The following ACSS2 variants were observed in gnomAD, a reference collection of about 807,000 sequenced individuals.
ACSS2 encodes the protein acyl-CoA synthetase short chain family member 2, also known as acetyl-coenzyme A synthetase, cytoplasmic.
In ACSS2, 58 loss-of-function variants were observed where a neutral mutation model predicts 90.6. That is an observed-to-expected ratio of 0.64 (90% CI 0.52 to 0.80). ACSS2 has a LOEUF of 0.80. Ranked by LOEUF, ACSS2 falls within the 30% of genes least tolerant of loss-of-function variation. The probability of loss-of-function intolerance (pLI) is 0.00; values close to 1 mark genes in which losing one functional copy is unlikely to be tolerated. For synonymous variants in ACSS2, 300 were observed against 330.9 expected (o/e 0.91, Z 1.01); for missense variants, 759 against 912.0 (o/e 0.83, Z 2.16).
intron 6 of ACSS2, 68 bp downstream of exon 6, chr20:34,914,239 T>TCTA: frequency 6.2e-7 from 1 of 1,607,328 alleles, no homozygotes; most frequent in Non-Finnish European, 8.5e-7. Flanking sequence ...CTTTGTCCCC[T>TCTA]CTACCCTAAA....
rs745504008 is a variant in ACSS2 at position 34,921,824 on chromosome 20, T to A, written c.1506T>A (p.Asn502Lys). ...TTGGTGTAGCTCCTGCAATCCTGAA[T>A]GAGTCCGGGGAAGAGTTGGAAGGTG... The part of the protein sequence containing the change: ...PFFGVAPAIL[N>K]ESGEELEGEA... The change falls in exon 13 of 18, where the codon AAT (asparagine) becomes AAA (lysine). Residue 502 changes from asparagine (N) to lysine (K), a missense_variant. Transcript: ENST00000360596. The A allele has an allele frequency of 1.9e-6, 3 of 1,614,144 alleles. No homozygotes were observed. In the East Asian group the frequency reaches 6.7e-5, roughly 36 times the overall value.
intron 2 of ACSS2, among the ~76,000 whole-genome samples, chr20:34,906,226 T>G (rs1344099157): frequency 6.6e-6 from 1 of 151,010 alleles, no homozygotes; most frequent in East Asian, 2.0e-4. Flanking sequence ...TCCCAGCTAC[T>G]CGGGAGGCTG....
At chr20:34,877,399 G>A (rs534215037) in intron 1 of ACSS2, among the ~76,000 whole-genome samples, 2 of 152,230 alleles carry the variant, frequency 1.3e-5, no homozygotes, top group East Asian at 1.9e-4. Context: ...TGGAAATTAC[G>A]CGGTATAAGA....
At chr20:34,881,855 G>T (rs931020697) in intron 1 of ACSS2, among the ~76,000 whole-genome samples, 1 of 152,182 alleles carries the variant, frequency 6.6e-6, no homozygotes, top group Non-Finnish European at 1.5e-5. Flanking sequence ...AAAGCTTAAA[G>T]AAACATTTGG....
rs761465079 is a variant in ACSS2, at chr20:34,926,876, G to A, written c.1904-1G>A. 6.2e-7 allele frequency: 1 copy of A among 1,614,152 alleles called. No homozygotes were observed. Among genetic ancestry groups the A allele is most frequent in the South Asian group, 1.1e-5 (1 of 91,086 alleles). ...AATGCTTGATGATTTGTTGGTTACA[G>A]TTAGAGAAAAGATTGGCCCCATTGC... On this transcript the variant is annotated splice_acceptor_variant, in intron 16 of 17. Coordinates refer to ENST00000360596, the MANE Select transcript of ACSS2 (RefSeq NM_018677.4). LOFTEE classifies it high-confidence loss of function.
chr20:34,909,194 C>CA (rs759144830), intron 2 of ACSS2, among the ~76,000 whole-genome samples: 7,257 of 42,210 alleles, frequency 0.17, 375 homozygotes, highest in African/African-American at 0.24. Context: ...CCTGTCTTTG[C>CA]AAAAAAAAAA....
intron 2 of ACSS2, among the ~76,000 whole-genome samples, chr20:34,911,497 T>G (rs1163589136): frequency 6.6e-6 from 1 of 151,604 alleles, no homozygotes; most frequent in Non-Finnish European, 1.5e-5. Context: ...CGGATCCAGC[T>G]CAATGTTTTT....
chr20:34,876,626 G>C lies in ACSS2; in HGVS notation c.-20G>C. The C allele has an allele frequency of 7.6e-7, 1 of 1,311,176 alleles. No homozygotes were observed. Among genetic ancestry groups the C allele is most frequent in the Non-Finnish European group, 9.8e-7 (1 of 1,022,604 alleles). 81.2% of individuals were successfully genotyped at this position (1,311,176 alleles called of 1,614,324 possible). Reference sequence around the variant, plus strand: ...CCGCCGCGACCGCAAAGGCGGCCGCGGTTCTAGGAACTTGACGTGATGGGG... The same window carrying C: ...CCGCCGCGACCGCAAAGGCGGCCGCCGTTCTAGGAACTTGACGTGATGGGG... On this transcript the variant is annotated 5_prime_UTR_variant, in exon 1 of 18. Transcript: ENST00000360596.
intron 2 of ACSS2, among the ~76,000 whole-genome samples, chr20:34,898,865 G>T (rs560011540): frequency 6.6e-6 from 1 of 151,996 alleles, no homozygotes; most frequent in Non-Finnish European, 1.5e-5. Flanking sequence ...GTGCTCGTCG[G>T]GGGGGCTCGG....
rs745816956 is a variant in ACSS2 at position 34,926,952 on chromosome 20, G to A, written c.1978+1G>A. The A allele has an allele frequency of 6.2e-7, 1 of 1,614,168 alleles. No homozygotes were observed. The highest frequency in any genetic ancestry group is 8.5e-7 in the Non-Finnish European group (1 of 1,180,036). On this transcript the variant is annotated splice_donor_variant, in intron 17 of 17. Transcript: ENST00000360596. LOFTEE classifies it high-confidence loss of function. ...CCTGGCTTGCCTAAAACCCGCTCAG[G>A]TATGTTCAGAGGCCTCCATGGATTG...
chr20:34,907,196 C>T (rs1452360012), intron 2 of ACSS2, among the ~76,000 whole-genome samples: 1 of 151,654 alleles, frequency 6.6e-6, no homozygotes, highest in Admixed American at 6.6e-5. Flanking sequence ...CAGCTCACTG[C>T]AACCTCCATC....
At chr20:34,920,839 C>G in intron 9 of ACSS2, 130 bp downstream of exon 9, 1 of 1,459,062 alleles carries the variant, frequency 6.9e-7, no homozygotes, top group Non-Finnish European at 9.3e-7. Context: ...AAGAGAAGTC[C>G]TGAGGGGGTT....
chr20:34,909,676 G>C (rs187332868), intron 2 of ACSS2, among the ~76,000 whole-genome samples: 65 of 151,466 alleles, frequency 4.3e-4, no homozygotes, highest in South Asian at 2.9e-3. Flanking sequence ...CTTGACTGGG[G>C]ACTATGAGGT....
At chr20:34,913,520 G>T (rs376175545) in intron 4 of ACSS2, 24 bp downstream of exon 4, 2 of 1,599,530 alleles carry the variant, frequency 1.3e-6, no homozygotes, top group African/African-American at 1.3e-5. Flanking sequence ...CTGGTGAAAA[G>T]GGGCAGGCGG....
chr20:34,899,171 C>T (rs574371276), intron 2 of ACSS2, among the ~76,000 whole-genome samples: 12 of 152,156 alleles, frequency 7.9e-5, no homozygotes, highest in Non-Finnish European at 1.5e-4. Context: ...CCCCGGTTCC[C>T]GCTCGGGCCT....
intron 2 of ACSS2, among the ~76,000 whole-genome samples, chr20:34,887,382 A>G (rs2080221944): frequency 6.6e-6 from 1 of 152,228 alleles, no homozygotes; most frequent in Admixed American, 6.5e-5. Flanking sequence ...ACCAGATAAA[A>G]TGTGTTATTA....
intron 2 of ACSS2, among the ~76,000 whole-genome samples, chr20:34,892,294 G>A (rs1196902480): frequency 6.6e-6 from 1 of 152,188 alleles, no homozygotes; most frequent in African/African-American, 2.4e-5. Context: ...GTGGAGTTGA[G>A]GATGGGCCTT....
At chr20:34,890,719 A>C (rs1183020067) in intron 2 of ACSS2, among the ~76,000 whole-genome samples, 3 of 152,160 alleles carry the variant, frequency 2.0e-5, no homozygotes, top group Non-Finnish European at 4.4e-5. Context: ...TGAGCCACCT[A>C]AATTCTCACC....
intron 2 of ACSS2, among the ~76,000 whole-genome samples, chr20:34,900,210 G>A (rs2207147): frequency 0.55 from 76,297 of 138,632 alleles, 21,309 homozygotes; most frequent in South Asian, 0.73. Flanking sequence ...TCGCTCTGTC[G>A]CCCAGGCTGG....
Sources: allele counts gnomAD v4.1 joint callset (sites outside exome capture counted in the v4.1 genomes callset), GRCh38; gene constraint gnomAD v4.1.1; transcripts MANE v1.5; gene names NCBI Gene and HGNC (gene_info 2026-07-23, HGNC 2026-07-21).